The following ATP8A2 variants were observed in gnomAD, a reference collection of about 807,000 sequenced individuals.
The protein encoded by ATP8A2 is phospholipid-transporting ATPase IB.
In ATP8A2, 100 loss-of-function variants were observed where a neutral mutation model predicts 165.6. That is an observed-to-expected ratio of 0.60 (90% confidence interval 0.51 to 0.71). ATP8A2 has a LOEUF of 0.71. ATP8A2 is among the 30% of genes least tolerant of loss of function. The pLI, the probability that ATP8A2 is intolerant of heterozygous loss-of-function variation, is 0.00. For missense variants in ATP8A2, 1,227 were observed against 1,479.5 expected, an observed-to-expected ratio of 0.83 and a Z score of 2.80; for synonymous variants, 543 against 548.8, an observed-to-expected ratio of 0.99 and a Z score of 0.15.
intron 15 of ATP8A2, among the ~76,000 whole-genome samples, chr13:25,562,178 C>G (rs2039177003): frequency 6.6e-6 from 1 of 152,140 alleles, no homozygotes; most frequent in South Asian, 2.1e-4. Context: ...CTGTGTTTGA[C>G]TTTTTGAGGA....
intron 1 of ATP8A2, among the ~76,000 whole-genome samples, chr13:25,467,065 G>C (rs1299338843): frequency 6.6e-6 from 1 of 152,226 alleles, no homozygotes; most frequent in Non-Finnish European, 1.5e-5. Flanking sequence ...TCTGGAAGAA[G>C]GGATTCTTGC....
chr13:25,880,411 T>C (rs1038014493), intron 33 of ATP8A2, among the ~76,000 whole-genome samples: 1 of 144,142 alleles, frequency 6.9e-6, no homozygotes, highest in Non-Finnish European at 1.5e-5. Context: ...AGGGGAAAAA[T>C]GTGATTAGTA....
chr13:25,909,798 C>T (rs538836124), intron 33 of ATP8A2, among the ~76,000 whole-genome samples: 24 of 152,262 alleles, frequency 1.6e-4, no homozygotes, highest in Middle Eastern at 3.4e-3. Flanking sequence ...CAGGAATTCC[C>T]GCCGCCCTCC....
At chr13:25,828,307 G>A in intron 28 of ATP8A2, 115 bp downstream of exon 28, 2 of 899,660 alleles carry the variant, frequency 2.2e-6, no homozygotes, top group Non-Finnish European at 1.8e-6. Flanking sequence ...TACTTAGCAG[G>A]CAGCACAAAT....
intron 25 of ATP8A2, among the ~76,000 whole-genome samples, chr13:25,749,265 G>A (rs2044103732): frequency 6.6e-6 from 1 of 152,148 alleles, no homozygotes; most frequent in African/African-American, 2.4e-5. Context: ...GTGATTTCTG[G>A]GCATGGGCTG....
intron 33 of ATP8A2, among the ~76,000 whole-genome samples, chr13:25,865,632 T>G (rs921619494): frequency 1.2e-4 from 18 of 152,218 alleles, no homozygotes; most frequent in Non-Finnish European, 2.4e-4. Flanking sequence ...AATTGAATTA[T>G]TCTACACTAT....
At chr13:25,789,921 G>T (rs2045124730) in intron 27 of ATP8A2, among the ~76,000 whole-genome samples, 1 of 152,068 alleles carries the variant, frequency 6.6e-6, no homozygotes, top group Non-Finnish European at 1.5e-5. Flanking sequence ...CCAGAAATAA[G>T]ACCACATACC....
At chr13:25,802,439 G>A (rs551585912) in intron 27 of ATP8A2, among the ~76,000 whole-genome samples, 43 of 152,248 alleles carry the variant, frequency 2.8e-4, no homozygotes, top group African/African-American at 8.7e-4. Context: ...TATGAGATAC[G>A]AATGGCATAT....
At chr13:25,580,744 G>A (rs1593578785) in intron 22 of ATP8A2, among the ~76,000 whole-genome samples, 1 of 152,178 alleles carries the variant, frequency 6.6e-6, no homozygotes, top group East Asian at 1.9e-4. Context: ...ATGTTTCCCA[G>A]GCTGGTCTCA....
At chr13:25,748,136 C>T (rs1276807697) in intron 25 of ATP8A2, among the ~76,000 whole-genome samples, 1 of 152,142 alleles carries the variant, frequency 6.6e-6, no homozygotes, top group African/African-American at 2.4e-5. Context: ...GTTTCCAAAA[C>T]AGTGTATATA....
At chr13:26,004,740 A>T (rs188120232) in intron 35 of ATP8A2, among the ~76,000 whole-genome samples, 1 of 151,974 alleles carries the variant, frequency 6.6e-6, no homozygotes, top group Non-Finnish European at 1.5e-5. Context: ...TTCTGCATCT[A>T]TTGAGATGAT....
In ATP8A2 at chr13:25,953,553, G is replaced by GCAACAAAAAA. The variant is rs1566299833; in HGVS notation, c.3184-8022_3184-8021insCAACAAAAAA. On this transcript the variant is annotated intron_variant, in intron 33 of 36. Coordinates refer to ENST00000381655, the MANE Select transcript of ATP8A2 (RefSeq NM_016529.6). The surrounding 1 kb of genome is among the most constrained non-coding windows in gnomAD (Gnocchi z 6.7). ...AAAAAAAAAAAAAAAAAAAGCAAGG[G>GCAACAAAAAA]AAATAGGCAAGACGGCCAAATAGGA... Among the ~76,000 whole-genome samples, 139 of 139,100 alleles carry GCAACAAAAAA rather than the reference G, an allele frequency of 1.0e-3. 1 individual carries two copies. The highest frequency in any genetic ancestry group is 2.9e-3 in the African/African-American group (106 of 36,066). 91.3% of individuals were successfully genotyped at this position (139,100 alleles called of 152,430 possible). A position where few individuals can be genotyped will look rare whatever the true frequency, so the allele number is the denominator to read the frequency against.
intron 25 of ATP8A2, among the ~76,000 whole-genome samples, chr13:25,748,537 T>C (rs217867): frequency 0.013 from 1,969 of 152,356 alleles, 48 homozygotes; most frequent in African/African-American, 0.045. Flanking sequence ...TTCATCCTGA[T>C]GCACACCATA....
chr13:25,574,909 G>C (rs114132817), intron 19 of ATP8A2, 52 bp downstream of exon 19: 1 of 1,033,092 alleles, frequency 9.7e-7, no homozygotes, highest in Non-Finnish European at 1.5e-6. Context: ...TTATTTACCA[G>C]CTTCATCAGA....
At position 25,899,168 on chromosome 13, in the gene ATP8A2, G is replaced by A. The variant is rs1312000131; in HGVS notation, c.3183+36760G>A. 2.0e-5 allele frequency among the ~76,000 whole-genome samples: 3 copies of A among 152,190 alleles called. No individual in the cohort carries two copies. In the East Asian group the frequency reaches 5.8e-4, roughly 29 times the overall value. On this transcript the variant is annotated intron_variant, in intron 33 of 36. Transcript: ENST00000381655. ...GAGCTGTTCCTATTCGGCCATGTTG[G>A]CTCCACCCCAAGTCCAGAGAAGCTT... is the stretch of plus-strand genomic sequence containing the variant.
intron 33 of ATP8A2, among the ~76,000 whole-genome samples, chr13:25,892,604 T>TCTC: frequency 6.8e-6 from 1 of 147,066 alleles, no homozygotes; most frequent in African/African-American, 2.5e-5. Context: ...TCTCTCTCCC[T>TCTC]CCTCCTCTCC....
intron 21 of ATP8A2, 75 bp from the exon 22 acceptor site, chr13:25,579,733 G>C: frequency 1.9e-6 from 3 of 1,563,416 alleles, no homozygotes; most frequent in Non-Finnish European, 2.6e-6. Context: ...CATGCTGATG[G>C]AAAAGGGAGC....
At chr13:25,414,186 GTTTTTTTTTTTT>G (rs10528594) in intron 1 of ATP8A2, among the ~76,000 whole-genome samples, 2 of 119,092 alleles carry the variant, frequency 1.7e-5, no homozygotes, top group South Asian at 5.4e-4. Context: ...GGGCTGTGGT[GTTTTTTTTTTTT>G]TTTTTTTTTT....
At chr13:26,013,264 G>C (rs1956888010) in intron 36 of ATP8A2, among the ~76,000 whole-genome samples, 1 of 152,134 alleles carries the variant, frequency 6.6e-6, no homozygotes, top group Admixed American at 6.5e-5. Flanking sequence ...GTGTCCTGCG[G>C]CCTTCCCCAG....
Sources: allele counts gnomAD v4.1 joint callset (sites outside exome capture counted in the v4.1 genomes callset), GRCh38; gene constraint gnomAD v4.1.1; non-coding constraint Gnocchi (gnomAD v3.1); transcripts MANE v1.5; gene names NCBI Gene and HGNC (gene_info 2026-07-23, HGNC 2026-07-21).